The following ANKFN1 variants were observed in gnomAD, a reference collection of about 807,000 sequenced individuals.
ANKFN1 encodes ankyrin repeat and fibronectin type III domain containing 1.
In ANKFN1, 74 loss-of-function variants were observed where a neutral mutation model predicts 108.7. The observed-to-expected ratio is 0.68, with a 90% confidence interval of 0.56 to 0.83. The LOEUF is 0.83. Ranked by LOEUF, ANKFN1 falls within the 40% of genes least tolerant of loss-of-function variation. ANKFN1 has a pLI of 0.00. For missense variants in ANKFN1, 1,505 were observed against 1,382.3 expected (o/e 1.09, Z -1.41); for synonymous variants, 547 against 516.2 (o/e 1.06, Z -0.81).
At chr17:56,371,214 A>G (rs1392336953) in intron 6 of ANKFN1, among the ~76,000 whole-genome samples, 1 of 152,212 alleles carries the variant, frequency 6.6e-6, no homozygotes, top group East Asian at 1.9e-4. Flanking sequence ...ACCATGACAA[A>G]TCTGCAGCAA....
intron 20 of ANKFN1, among the ~76,000 whole-genome samples, chr17:56,504,656 CT>C (rs901376992): frequency 2.0e-5 from 3 of 151,394 alleles, no homozygotes; most frequent in Non-Finnish European, 2.9e-5. Flanking sequence ...CTTAAAGCAT[CT>C]TTTTTTTCTT....
chr17:56,263,744 C>T (rs572616020), intron 3 of ANKFN1, among the ~76,000 whole-genome samples: 5 of 152,132 alleles, frequency 3.3e-5, no homozygotes, highest in South Asian at 4.1e-4. Flanking sequence ...GAGAAAGATC[C>T]GAGGTCTTCA....
In ANKFN1 at chr17:56,350,964, G is replaced by A. The variant is rs1254755086; in HGVS notation, c.387G>A (p.Ser129=). The A allele has an allele frequency of 5.6e-6, 9 of 1,612,906 alleles. No homozygotes were observed. The highest frequency in any genetic ancestry group is 4.4e-5 in the South Asian group (4 of 90,976). The change falls in exon 5 of 21, where the codon TCG becomes TCA. Residue 129 remains serine (S), a synonymous_variant. Coordinates refer to ENST00000682825, the MANE Select transcript of ANKFN1 (RefSeq NM_001370326.1). The part of the protein sequence containing the change: ...RTDRLSLRKT[S]VNFQGNEAMF... The stretch of plus-strand genomic sequence containing the variant: ...ATCGGCTGAGTCTCAGGAAGACCTC[G>A]GTGGTAACAAAACTGTTTTTATTCT...
intron 1 of ANKFN1, among the ~76,000 whole-genome samples, chr17:56,177,390 A>C (rs1447073787): frequency 6.6e-6 from 1 of 152,208 alleles, no homozygotes; most frequent in Non-Finnish European, 1.5e-5. Flanking sequence ...TCCATGATGC[A>C]TATGTGTGAT....
chr17:56,277,768 C>A (rs2043971947), intron 3 of ANKFN1, among the ~76,000 whole-genome samples: 1 of 151,994 alleles, frequency 6.6e-6, no homozygotes, highest in African/African-American at 2.4e-5. Context: ...TATTTTTAGC[C>A]CCAAATTGTA....
At chr17:56,133,886 C>T (rs1907440560) in intron 4 of ANKFN1, among the ~76,000 whole-genome samples, 1 of 151,980 alleles carries the variant, frequency 6.6e-6, no homozygotes, top group Admixed American at 6.6e-5. Flanking sequence ...CAGCACACAC[C>T]AGCTGGATGT....
chr17:56,336,132 G>T (rs1215604544), intron 4 of ANKFN1, among the ~76,000 whole-genome samples: 1 of 152,144 alleles, frequency 6.6e-6, no homozygotes, highest in Non-Finnish European at 1.5e-5. Flanking sequence ...TTTTATTGAG[G>T]ATTTTCGCAT....
chr17:56,511,079 G>C lies in ANKFN1; in HGVS notation c.3251G>C (p.Arg1084Thr), dbSNP rs1443034651. ...EERNSSLQDA[R>T]PSVRRLYVEP... Reference sequence around the variant, plus strand: ...CGGAACAGCAGTCTCCAGGACGCGAGGCCTTCCGTCCGCCGCCTCTACGTG... The same window carrying C: ...CGGAACAGCAGTCTCCAGGACGCGACGCCTTCCGTCCGCCGCCTCTACGTG... Residue 1084 changes from arginine to threonine, a missense_variant, in exon 21 of 21, where the codon AGG becomes ACG. Arg to Thr is a moderately conservative substitution (Grantham distance 71). Transcript: ENST00000682825. 4 of 1,536,022 alleles carry C rather than the reference G, an allele frequency of 2.6e-6. No individual in the cohort carries two copies. Among genetic ancestry groups the C allele is most frequent in the African/African-American group, 2.7e-5 (2 of 73,174 alleles).
rs1159603276 is a variant in ANKFN1, at chr17:56,374,479, A to G, written c.797-122A>G. On this transcript the variant is annotated intron_variant, in intron 7 of 20. Transcript: ENST00000682825. Reference sequence around the variant, plus strand: ...ATGAAAATGTTCAAAAGCGAAAGCTATTAGGCTCCACAAACAAATGTTTCC... The same window carrying G: ...ATGAAAATGTTCAAAAGCGAAAGCTGTTAGGCTCCACAAACAAATGTTTCC... 1.1e-5 allele frequency: 8 copies of G among 740,206 alleles called. No homozygotes were observed. The East Asian group carries it at 1.8e-4, about 17-fold the overall frequency. The allele number at this position is 740,206 out of a possible 1,614,324, so 45.9% of individuals were successfully genotyped here. A position where few individuals can be genotyped will look rare whatever the true frequency, so the allele number is the denominator to read the frequency against.
intron 2 of ANKFN1, among the ~76,000 whole-genome samples, chr17:56,217,362 A>G (rs995052602): frequency 1.3e-5 from 2 of 152,174 alleles, no homozygotes; most frequent in African/African-American, 4.8e-5. Context: ...CCATTTCCTC[A>G]TGGTTTCACT....
At chr17:56,075,235 A>G (rs1278978262) in intron 4 of ANKFN1, among the ~76,000 whole-genome samples, 2 of 152,174 alleles carry the variant, frequency 1.3e-5, no homozygotes, top group Non-Finnish European at 2.9e-5. Flanking sequence ...CATAACCATG[A>G]GTAGGTCATT....
chr17:56,242,459 C>G (rs1416169878), intron 3 of ANKFN1, among the ~76,000 whole-genome samples: 1 of 151,976 alleles, frequency 6.6e-6, no homozygotes, highest in East Asian at 1.9e-4. Context: ...TGTGAATGAT[C>G]TTTATTCTAT....
chr17:56,050,747 T>C (rs1312227348), intron 4 of ANKFN1, among the ~76,000 whole-genome samples: 3 of 152,114 alleles, frequency 2.0e-5, no homozygotes, highest in African/African-American at 7.2e-5. Context: ...GTTCCATTGA[T>C]CTATATCTCT....
chr17:56,217,271 T>C (rs1365422442), intron 2 of ANKFN1, among the ~76,000 whole-genome samples: 3 of 152,188 alleles, frequency 2.0e-5, no homozygotes, highest in Non-Finnish European at 4.4e-5. Flanking sequence ...TTCATCCCTC[T>C]CACTGTCTTC....
intron 8 of ANKFN1, among the ~76,000 whole-genome samples, chr17:56,431,558 C>A (rs2048757912): frequency 6.6e-6 from 1 of 152,150 alleles, no homozygotes; most frequent in African/African-American, 2.4e-5. Flanking sequence ...TCAATCTGAG[C>A]CCCGATTCTG....
intron 1 of ANKFN1, among the ~76,000 whole-genome samples, chr17:56,183,879 T>G (rs1911928816): frequency 6.6e-6 from 1 of 152,182 alleles, no homozygotes; most frequent in Non-Finnish European, 1.5e-5. Context: ...GTACCAATAT[T>G]AAGCAAACTA....
intron 3 of ANKFN1, among the ~76,000 whole-genome samples, chr17:56,297,216 C>G (rs2044537324): frequency 6.6e-6 from 1 of 152,168 alleles, no homozygotes; most frequent in South Asian, 2.1e-4. Flanking sequence ...TTCCTTTCTC[C>G]TTATTGTTAC....
intron 1 of ANKFN1, among the ~76,000 whole-genome samples, chr17:56,175,347 A>C (rs1011844249): frequency 6.6e-6 from 1 of 152,240 alleles, no homozygotes; most frequent in African/African-American, 2.4e-5. Flanking sequence ...CAAACAAAAA[A>C]ATAACAACTA....
At chr17:56,237,841 T>G (rs1230243067) in intron 3 of ANKFN1, among the ~76,000 whole-genome samples, 1 of 152,164 alleles carries the variant, frequency 6.6e-6, no homozygotes, top group Non-Finnish European at 1.5e-5. Flanking sequence ...TTTCTCTTGC[T>G]TCTCTAATTC....
Sources: allele counts gnomAD v4.1 joint callset (sites outside exome capture counted in the v4.1 genomes callset), GRCh38; gene constraint gnomAD v4.1.1; transcripts MANE v1.5; gene names NCBI Gene and HGNC (gene_info 2026-07-23, HGNC 2026-07-21).